Variants in PPP2R2B observed in about 807,000 individuals in gnomAD.
PPP2R2B encodes serine/threonine-protein phosphatase 2A 55 kDa regulatory subunit B beta isoform.
A neutral mutation model predicts 46.0 loss-of-function variants in PPP2R2B; 5 were observed. The observed-to-expected ratio is 0.11, with a 90% CI of 0.06 to 0.23. The LOEUF (loss-of-function observed/expected upper bound fraction) is 0.23. Among genes scored for constraint, PPP2R2B ranks in the 10% least tolerant of loss-of-function variants. PPP2R2B has a pLI of 1.00. For synonymous variants in PPP2R2B, 215 were observed against 206.7 expected, an observed-to-expected ratio of 1.04 and a Z score of -0.34; for missense variants, 367 against 575.0, an observed-to-expected ratio of 0.64 and a Z score of 3.70.
chr5:146,856,551 C>T lies in PPP2R2B; in HGVS notation c.70+21451G>A, dbSNP rs77032607. ...GATAATTCATGCTTCATTATTGGGC[C>T]ACTATTCTCTGTCTTGGGTTCTCCC... On this transcript the variant is annotated intron_variant, in intron 2 of 9. Coordinates refer to ENST00000394411, the MANE Select transcript of PPP2R2B (RefSeq NM_181675.4). 1.3e-4 allele frequency: 217 copies of T among 1,612,908 alleles called. No individual in the cohort carries two copies. In the East Asian group the frequency reaches 4.7e-3, roughly 35 times the overall value.
At chr5:146,767,853 G>T (rs1754585519) in intron 2 of PPP2R2B, among the ~76,000 whole-genome samples, 1 of 152,098 alleles carries the variant, frequency 6.6e-6, no homozygotes, top group African/African-American at 2.4e-5. Flanking sequence ...ATATACAGTA[G>T]TTCCACCACC....
intron 1 of PPP2R2B, among the ~76,000 whole-genome samples, chr5:146,912,412 G>A (rs1212999944): frequency 6.6e-6 from 1 of 151,996 alleles, no homozygotes; most frequent in Non-Finnish European, 1.5e-5. Flanking sequence ...GAGAGAGTGA[G>A]CATTCTGAAA....
intron 2 of PPP2R2B, among the ~76,000 whole-genome samples, chr5:146,761,369 A>G (rs1451976179): frequency 6.6e-6 from 1 of 152,230 alleles, no homozygotes; most frequent in African/African-American, 2.4e-5. Flanking sequence ...TTGTAGGGAC[A>G]TGGATGAAGC....
chr5:146,992,568 A>T (rs1753740615), intron 1 of PPP2R2B, among the ~76,000 whole-genome samples: 1 of 152,014 alleles, frequency 6.6e-6, no homozygotes, highest in Non-Finnish European at 1.5e-5. Context: ...GGCCTCTTAT[A>T]CCCCTAATAG....
Position 146,586,304 on chromosome 5 carries a change from C to G in PPP2R2B, c.*3643G>C, listed in dbSNP as rs1215407233. The G allele has an allele frequency of 6.6e-6, 1 of 152,194 alleles. No individual in the cohort carries two copies. The highest frequency in any genetic ancestry group is 1.5e-5 in the Non-Finnish European group (1 of 68,040). The allele number at this position is 152,194 out of a possible 1,614,324, so 9.4% of individuals were successfully genotyped here. ...GAGGGAAAATTAGTAAGGGTTCCAC[C>G]ATTCAGGCTGTGGACTATAGTGTCA... On this transcript the variant is annotated 3_prime_UTR_variant, in exon 10 of 10. Coordinates refer to ENST00000394411, the MANE Select transcript of PPP2R2B (RefSeq NM_181675.4).
intron 2 of PPP2R2B, among the ~76,000 whole-genome samples, chr5:146,864,839 T>G (rs946213874): frequency 6.6e-6 from 1 of 152,154 alleles, no homozygotes; most frequent in Non-Finnish European, 1.5e-5. Flanking sequence ...AGGATAAACT[T>G]AAGCACCTTG....
intron 1 of PPP2R2B, among the ~76,000 whole-genome samples, chr5:146,905,785 A>T (rs1411168739): frequency 6.6e-6 from 1 of 152,220 alleles, no homozygotes; most frequent in Non-Finnish European, 1.5e-5. Context: ...ATTATAGAAA[A>T]GACAAAACTA....
intron 1 of PPP2R2B, among the ~76,000 whole-genome samples, chr5:146,900,416 T>G (rs1252706697): frequency 6.6e-6 from 1 of 152,210 alleles, no homozygotes; most frequent in Non-Finnish European, 1.5e-5. Context: ...TGTTGCCATA[T>G]GTAAAGGAAC....
chr5:146,696,102 C>T (rs1278750587), intron 4 of PPP2R2B, among the ~76,000 whole-genome samples: 3 of 151,440 alleles, frequency 2.0e-5, no homozygotes, highest in Non-Finnish European at 2.9e-5. Flanking sequence ...TTAATAAATC[C>T]TTGAGTTTTT....
At chr5:146,977,319 C>T (rs1752956230) in intron 1 of PPP2R2B, among the ~76,000 whole-genome samples, 1 of 152,058 alleles carries the variant, frequency 6.6e-6, no homozygotes, top group Non-Finnish European at 1.5e-5. Context: ...GTCTTGAACT[C>T]CTGGGCTTAA....
At chr5:146,913,913 C>T (rs578027569) in intron 1 of PPP2R2B, among the ~76,000 whole-genome samples, 1 of 152,146 alleles carries the variant, frequency 6.6e-6, no homozygotes, top group African/African-American at 2.4e-5. Context: ...CTTACGTGGT[C>T]TTTGGTAGGA....
chr5:146,858,043 A>C (rs933121839), intron 2 of PPP2R2B, among the ~76,000 whole-genome samples: 2 of 152,092 alleles, frequency 1.3e-5, no homozygotes, highest in African/African-American at 2.4e-5. Flanking sequence ...ACTACCTACT[A>C]TTTTCCTGGG....
chr5:146,996,856 C>T lies in PPP2R2B; in HGVS notation c.79+58809G>A, dbSNP rs150900078. Among the ~76,000 whole-genome samples, 496 of 152,180 alleles carry T rather than the reference C, an allele frequency of 3.3e-3. 7 individuals carry two copies. The highest frequency in any genetic ancestry group is 0.011 in the African/African-American group (444 of 41,520). On this transcript the variant is annotated intron_variant, in intron 1 of 8. Coordinates refer to the PPP2R2B transcript ENST00000336640. ...TCTCCTCTCCTCACTCCATGTCCCA[C>T]CAGGCCTCACACTCCTGGACCTTTC...
At chr5:147,056,562 AC>A (rs1272730665), upstream of PPP2R2B, among the ~76,000 whole-genome samples, 1 of 152,156 alleles carries the variant, frequency 6.6e-6, no homozygotes, top group Non-Finnish European at 1.5e-5. Context: ...AAAGGAACTG[AC>A]CCTTCATCAA....
chr5:147,057,205 G>A (rs1288766372), upstream of PPP2R2B, among the ~76,000 whole-genome samples: 1 of 152,130 alleles, frequency 6.6e-6, no homozygotes, highest in Non-Finnish European at 1.5e-5. Context: ...TCTGGCCCTT[G>A]GACTACTATG....
chr5:146,785,436 T>A (rs1300241835), intron 2 of PPP2R2B, among the ~76,000 whole-genome samples: 2 of 152,056 alleles, frequency 1.3e-5, no homozygotes, highest in African/African-American at 4.8e-5. Context: ...TAATCCCTGG[T>A]ACTTGGGAGG....
chr5:146,940,807 A>G (rs986474054), intron 1 of PPP2R2B, among the ~76,000 whole-genome samples: 3 of 152,184 alleles, frequency 2.0e-5, no homozygotes, highest in African/African-American at 7.2e-5. Context: ...ATTCTCTATC[A>G]TATGAGCATC....
At chr5:146,968,061 G>A (rs1752511556) in intron 1 of PPP2R2B, among the ~76,000 whole-genome samples, 1 of 152,142 alleles carries the variant, frequency 6.6e-6, no homozygotes, top group Non-Finnish European at 1.5e-5. Context: ...TGAAAGTTAT[G>A]TAGAGGCCAT....
At chr5:146,795,631 G>A (rs914590584) in intron 2 of PPP2R2B, among the ~76,000 whole-genome samples, 2 of 151,984 alleles carry the variant, frequency 1.3e-5, no homozygotes, top group South Asian at 4.1e-4. Flanking sequence ...AATTTGCTAA[G>A]AGTAGATGTT....
Sources: allele counts gnomAD v4.1 joint callset (sites outside exome capture counted in the v4.1 genomes callset), GRCh38; gene constraint gnomAD v4.1.1; transcripts MANE v1.5; gene names NCBI Gene and HGNC (gene_info 2026-07-23, HGNC 2026-07-21).